Variants in B4GALNT3 observed in about 807,000 individuals in gnomAD.
B4GALNT3 encodes beta-1,4-N-acetylgalactosaminyltransferase 3.
A neutral mutation model predicts 120.2 loss-of-function variants in B4GALNT3; 86 were observed. The ratio of observed to expected loss-of-function variants is 0.72; its 90% confidence interval spans 0.60 to 0.86. The LOEUF is 0.86. Ranked by LOEUF, B4GALNT3 falls within the 40% of genes least tolerant of loss-of-function variation. The probability of loss-of-function intolerance (pLI) is 0.00; values close to 1 mark genes in which losing one functional copy is unlikely to be tolerated. For synonymous variants in B4GALNT3, 518 were observed against 510.4 expected (o/e 1.01, Z -0.20); for missense variants, 1,167 against 1,298.9 (o/e 0.90, Z 1.56).
rs1946965688 is a variant in B4GALNT3, at chr12:544,442, C to T, written c.447+8C>T. ...TTCCCACTGTACCCCCATGTGAGTG[C>T]CTGAGGGCTGCCTTGCCCACCTCCC... On this transcript the variant is annotated splice_region_variant and intron_variant, in intron 4 of 19. Coordinates refer to ENST00000266383, the MANE Select transcript of B4GALNT3 (RefSeq NM_173593.4). 1.2e-6 allele frequency: 2 copies of T among 1,611,542 alleles called. No homozygotes were observed. The highest frequency in any genetic ancestry group is 1.7e-5 in the Admixed American group (1 of 59,898).
chr12:519,298 A>G (rs368809081), intron 1 of B4GALNT3, among the ~76,000 whole-genome samples: 1 of 152,218 alleles, frequency 6.6e-6, no homozygotes, highest in African/African-American at 2.4e-5. Context: ...ATGTATTACT[A>G]GGATACCGGC....
intron 13 of B4GALNT3, chr12:552,945 G>A (rs562540248): frequency 1.3e-5 from 7 of 557,988 alleles, no homozygotes; most frequent in African/African-American, 5.6e-5. Context: ...ATGTGATGCC[G>A]TTTATCTCAC....
chr12:469,768 G>A (rs1047225606), intron 1 of B4GALNT3, among the ~76,000 whole-genome samples: 1 of 151,860 alleles, frequency 6.6e-6, no homozygotes, highest in African/African-American at 2.4e-5. Flanking sequence ...GGGATTTCTG[G>A]GACTAAAAGG....
intron 1 of B4GALNT3, among the ~76,000 whole-genome samples, chr12:487,892 A>G (rs1478500209): frequency 6.6e-6 from 1 of 152,174 alleles, no homozygotes; most frequent in Non-Finnish European, 1.5e-5. Flanking sequence ...CTGAGGCTGC[A>G]GTGAGCTGTG....
At chr12:552,666 C>A in intron 13 of B4GALNT3, 138 bp downstream of exon 13, 2 of 742,642 alleles carry the variant, frequency 2.7e-6, no homozygotes, top group Non-Finnish European at 4.5e-6. Flanking sequence ...CCTTCACACC[C>A]AAGGGAGTGG....
intron 1 of B4GALNT3, among the ~76,000 whole-genome samples, chr12:478,307 CTGAT>C (rs1256857709): frequency 6.8e-6 from 1 of 147,452 alleles, no homozygotes; most frequent in Non-Finnish European, 1.5e-5. Flanking sequence ...ATATTCAAGC[CTGAT>C]TTAGCTTGTT....
chr12:488,970 C>T (rs1042890205), intron 1 of B4GALNT3, among the ~76,000 whole-genome samples: 4 of 151,514 alleles, frequency 2.6e-5, no homozygotes, highest in African/African-American at 4.9e-5. Context: ...CTTAAAACCA[C>T]GGAAGACTGC....
chr12:546,836 C>G, intron 7 of B4GALNT3, 123 bp downstream of exon 7: 1 of 954,770 alleles, frequency 1.0e-6, no homozygotes, highest in Non-Finnish European at 1.6e-6. Context: ...CCCACACGCT[C>G]CCGGCAACCG....
chr12:491,777 C>T (rs116098406), intron 1 of B4GALNT3, among the ~76,000 whole-genome samples: 3,351 of 150,664 alleles, frequency 0.022, 110 homozygotes, highest in African/African-American at 0.077. Flanking sequence ...GGCAATAGGC[C>T]GGGTGCGGTG....
chr12:546,426 C>T (rs548714949), intron 6 of B4GALNT3, among the ~76,000 whole-genome samples: 1 of 152,208 alleles, frequency 6.6e-6, no homozygotes, highest in Admixed American at 6.5e-5. Flanking sequence ...GGTCATCCGG[C>T]TGCTCCGGGC....
At chr12:523,534 T>C (rs1206927489) in intron 1 of B4GALNT3, among the ~76,000 whole-genome samples, 2 of 152,180 alleles carry the variant, frequency 1.3e-5, no homozygotes, top group Non-Finnish European at 2.9e-5. Context: ...TACCTGCAGC[T>C]CACTTAACTC....
intron 15 of B4GALNT3, 75 bp from the exon 16 acceptor site, chr12:557,533 C>G (rs1184852056): frequency 3.3e-6 from 5 of 1,493,828 alleles, no homozygotes; most frequent in Non-Finnish European, 4.5e-6. Flanking sequence ...CACCTGGGAG[C>G]TGGGGGTGGA....
chr12:502,546 A>G (rs566571508), intron 1 of B4GALNT3, among the ~76,000 whole-genome samples: 15 of 81,484 alleles, frequency 1.8e-4, no homozygotes, highest in Non-Finnish European at 2.8e-4. Flanking sequence ...GGAAAGAGAA[A>G]GGAGAAACAG....
At chr12:543,430 C>CCT (rs1946945183) in intron 3 of B4GALNT3, among the ~76,000 whole-genome samples, 1 of 87,986 alleles carries the variant, frequency 1.1e-5, no homozygotes, top group Non-Finnish European at 2.3e-5. Context: ...CTCATCTTCC[C>CCT]GGAGCTGAGG....
chr12:504,542 C>G (rs1019783500), intron 1 of B4GALNT3, among the ~76,000 whole-genome samples: 1 of 151,598 alleles, frequency 6.6e-6, no homozygotes, highest in Non-Finnish European at 1.5e-5. Flanking sequence ...TCACTGCAAC[C>G]TCCGCCTCCC....
chr12:528,848 G>A (rs777857704), intron 1 of B4GALNT3, among the ~76,000 whole-genome samples: 3 of 152,226 alleles, frequency 2.0e-5, no homozygotes, highest in Non-Finnish European at 4.4e-5. Context: ...ATGGCCTCAT[G>A]TTCATTCCCT....
At chr12:484,383 A>G (rs1946271043) in intron 1 of B4GALNT3, among the ~76,000 whole-genome samples, 1 of 152,050 alleles carries the variant, frequency 6.6e-6, no homozygotes, top group Non-Finnish European at 1.5e-5. Context: ...TGGGGCCATC[A>G]CCCTTTGCTG....
chr12:498,012 C>G lies in B4GALNT3; in HGVS notation c.170-37154C>G, dbSNP rs142393537. Among the ~76,000 whole-genome samples, 1,394 of 152,218 alleles carry G rather than the reference C, an allele frequency of 9.2e-3. 10 individuals carry two copies. The highest frequency in any genetic ancestry group is 0.018 in the Admixed American group (280 of 15,284). ...CCCACCCACAGCTTCCAAACCCACC[C>G]CTGATTTCCCATTCAGTGACTAAAC... is the stretch of plus-strand genomic sequence containing the variant. On this transcript the variant is annotated intron_variant, in intron 1 of 19. Transcript: ENST00000266383.
intron 1 of B4GALNT3, among the ~76,000 whole-genome samples, chr12:467,610 T>C (rs1946094210): frequency 6.6e-6 from 1 of 152,182 alleles, no homozygotes; most frequent in African/African-American, 2.4e-5. Context: ...ATGCTTATTA[T>C]ACTAGACAAC....
Sources: gnomAD v4.1 joint callset for allele counts (sites outside exome capture counted in the v4.1 genomes callset) on GRCh38, gnomAD v4.1.1 for gene constraint, MANE v1.5 for transcripts, NCBI Gene and HGNC (gene_info 2026-07-23, HGNC 2026-07-21) for gene names.